NOTCH2: variants seen among roughly 807,000 people sequenced by gnomAD.
The protein encoded by NOTCH2 is neurogenic locus notch homolog protein 2.
Under a neutral mutation model 235.8 loss-of-function variants are expected in NOTCH2, and 29 were observed. The observed-to-expected ratio is 0.12, with a 90% CI of 0.09 to 0.17. The LOEUF (loss-of-function observed/expected upper bound fraction) is 0.17. Among genes scored for constraint, NOTCH2 ranks in the 10% least tolerant of loss-of-function variants. The probability of loss-of-function intolerance (pLI) is 1.00; values close to 1 mark genes in which losing one functional copy is unlikely to be tolerated. For synonymous variants in NOTCH2, 1,086 were observed against 1,141.5 expected, an observed-to-expected ratio of 0.95 and a Z score of 0.98; for missense variants, 2,285 against 3,150.2, an observed-to-expected ratio of 0.73 and a Z score of 6.57.
chr1:119,953,556 C>A lies in NOTCH2; in HGVS notation c.2352G>T (p.Lys784Asn), dbSNP rs782553837. ...NLVNGYRCTC[K>N]KGFKGYNCQV... ...TTTTGTTTTCACCTTTAAAGCCCTT[C>A]TTGCAAGTACACCTGTATCCATTCA... Residue 784 changes from lysine (K) to asparagine (N), a missense_variant, in exon 14 of 34, where the codon AAG (lysine) becomes AAT (asparagine). Transcript: ENST00000256646. 4 of 1,614,182 alleles carry A rather than the reference C, an allele frequency of 2.5e-6. No homozygotes were observed. Among genetic ancestry groups the A allele is most frequent in the Non-Finnish European group, 1.7e-6 (2 of 1,180,014 alleles).
At chr1:119,976,396 A>G (rs1651581657) in intron 5 of NOTCH2, 1 of 150,654 alleles carries the variant, frequency 6.6e-6, no homozygotes, top group East Asian at 1.9e-4. Context: ...TGGGTGAAAC[A>G]TTCTGTATAA....
Position 119,915,262 on chromosome 1 carries a change from A to G in NOTCH2, c.*44T>C. ...TGACCTTCATTTGTTCCTCAGCAGC[A>G]TTTACAAAAGTCAGTTATGTCTCTA... On this transcript the variant is annotated 3_prime_UTR_variant, in exon 34 of 34. Coordinates refer to ENST00000256646, the MANE Select transcript of NOTCH2 (RefSeq NM_024408.4). 6.3e-7 allele frequency: 1 copy of G among 1,594,972 alleles called. No homozygotes were observed. Among genetic ancestry groups the G allele is most frequent in the Non-Finnish European group, 8.6e-7 (1 of 1,165,948 alleles).
intron 17 of NOTCH2, among the ~76,000 whole-genome samples, chr1:119,944,295 G>C (rs778119482): frequency 1.5e-4 from 23 of 151,976 alleles, no homozygotes; most frequent in Non-Finnish European, 3.2e-4. Flanking sequence ...CAGCACTTTG[G>C]GAGGTCCAGG....
chr1:120,047,948 C>T (rs1772484), intron 1 of NOTCH2, among the ~76,000 whole-genome samples: 22 of 147,352 alleles, frequency 1.5e-4, no homozygotes, highest in African/African-American at 4.2e-4. Context: ...CATTTTTTTC[C>T]GTAGAGACGG....
rs1650748468 is a variant in NOTCH2, at chr1:119,957,457, C to G, written c.2026+1935G>C. 2.6e-5 allele frequency among the ~76,000 whole-genome samples: 4 copies of G among 152,160 alleles called. No homozygotes were observed. In the South Asian group the frequency reaches 8.3e-4, roughly 32 times the overall value. ...ACTTAGTATTAAAACAAAAAAATCC[C>G]CTTTAAAGCTGTCAAAGCTATTATT... On this transcript the variant is annotated intron_variant, in intron 12 of 33. Transcript: ENST00000256646.
intron 22 of NOTCH2, among the ~76,000 whole-genome samples, chr1:119,933,630 A>G (rs1320620411): frequency 6.6e-6 from 1 of 152,242 alleles, no homozygotes; most frequent in Non-Finnish European, 1.5e-5. Flanking sequence ...TGATATATTC[A>G]AAGTGCTGAA....
rs2101145395 is a variant in NOTCH2 at position 119,968,123 on chromosome 1, G to C, written c.1218C>G (p.Gly406=). 2.5e-6 allele frequency: 4 copies of C among 1,614,124 alleles called. No homozygotes were observed. The highest frequency in any genetic ancestry group is 2.5e-6 in the Non-Finnish European group (3 of 1,179,968). The change falls in exon 7 of 34, where the codon GGC becomes GGG. Residue 406 remains glycine, a synonymous_variant. Transcript: ENST00000256646. ...NGQYICTCPQ[G]YKGADCTEDV... ...CTTCTGTGCAGTCAGCCCCTTTGTAGCCTTGTGGGCAGGTGCAAATATATT... is the reference window on the plus strand; with the variant it reads ...CTTCTGTGCAGTCAGCCCCTTTGTACCCTTGTGGGCAGGTGCAAATATATT...
intron 2 of NOTCH2, among the ~76,000 whole-genome samples, chr1:120,029,661 A>G (rs1468436819): frequency 2.0e-5 from 3 of 151,378 alleles, no homozygotes; most frequent in Admixed American, 1.3e-4. Flanking sequence ...CCCCATATAC[A>G]TTAACTAGCC....
At chr1:119,953,843 T>C (rs1373250133) in intron 13 of NOTCH2, among the ~76,000 whole-genome samples, 155 bp from the exon 14 acceptor site, 1 of 152,210 alleles carries the variant, frequency 6.6e-6, no homozygotes, top group African/African-American at 2.4e-5. Flanking sequence ...GTGTGTACCA[T>C]GTGGCCCTAT....
intron 10 of NOTCH2, 112 bp downstream of exon 10, chr1:119,965,341 G>A: frequency 1.1e-6 from 1 of 875,508 alleles, no homozygotes; most frequent in Non-Finnish European, 2.0e-6. Flanking sequence ...AAACACAGAG[G>A]AGCCTCTGGG....
At chr1:120,064,575 C>T (rs2101435746) in intron 1 of NOTCH2, among the ~76,000 whole-genome samples, 1 of 152,188 alleles carries the variant, frequency 6.6e-6, no homozygotes, top group Admixed American at 6.5e-5. Context: ...ATTTGGGGCA[C>T]ATGCCAGACA....
intron 23 of NOTCH2, 109 bp from the exon 24 acceptor site, chr1:119,926,720 G>C: frequency 1.2e-6 from 1 of 835,828 alleles, no homozygotes; most frequent in East Asian, 2.7e-5. Flanking sequence ...GCAAGTGTGA[G>C]AGAGTTCAGT....
In NOTCH2 at chr1:119,914,320, C is replaced by T. The variant is rs905277962; in HGVS notation, c.*986G>A. On this transcript the variant is annotated 3_prime_UTR_variant, in exon 34 of 34. Coordinates refer to ENST00000256646, the MANE Select transcript of NOTCH2 (RefSeq NM_024408.4). ...TGTGGGTGGGTAACTGGCTCTTGCA[C>T]GAGTTAACTTGTCTCTTGGTCATTC... 3.4e-5 allele frequency: 8 copies of T among 232,900 alleles called. No individual in the cohort carries two copies. The highest frequency in any genetic ancestry group is 5.6e-5 in the Admixed American group (1 of 17,762). The allele number at this position is 232,900 out of a possible 1,614,324, so 14.4% of individuals were successfully genotyped here.
intron 5 of NOTCH2, among the ~76,000 whole-genome samples, chr1:119,978,394 C>A (rs112357447): frequency 6.6e-6 from 1 of 152,130 alleles, no homozygotes; most frequent in African/African-American, 2.4e-5. Context: ...AGAAATGACT[C>A]GATCCAATGC....
Position 119,915,632 on chromosome 1 carries a change from G to T in NOTCH2, c.7090C>A (p.Gln2364Lys). ...PTAMMPQQDG[Q>K]VAQTILPAYH... ...GCTGGGAGAATGGTCTGAGCTACCT[G>T]CCCGTCCTGCTGGGGCATCATGGCA... Residue 2364 changes from glutamine to lysine, a missense_variant, in exon 34 of 34, where the codon CAG becomes AAG. Gln to Lys is a moderately conservative substitution (Grantham distance 53). This residue lies in a region of NOTCH2 where 504 missense variants were observed against 538.0 expected (regional missense o/e 0.94). Transcript: ENST00000256646. 1 of 1,614,058 alleles carries T rather than the reference G, an allele frequency of 6.2e-7. No homozygotes were observed. Among genetic ancestry groups the T allele is most frequent in the Non-Finnish European group, 8.5e-7 (1 of 1,180,038 alleles).
chr1:119,955,944 C>A lies in NOTCH2; in HGVS notation c.2027-712G>T, dbSNP rs147101303. On this transcript the variant is annotated intron_variant, in intron 12 of 33. Coordinates refer to ENST00000256646, the MANE Select transcript of NOTCH2 (RefSeq NM_024408.4). Reference sequence around the variant, plus strand: ...AAGTGGAGATTCCTAGGCCCTATCACCATAGATTGTGATGAATAGAATCTA... The same window carrying A: ...AAGTGGAGATTCCTAGGCCCTATCAACATAGATTGTGATGAATAGAATCTA... Among the ~76,000 whole-genome samples the A allele has an allele frequency of 8.0e-3, 1,221 of 152,234 alleles. 17 individuals are homozygous for A. Among genetic ancestry groups the A allele is most frequent in the African/African-American group, 0.027 (1,104 of 41,520 alleles).
intron 22 of NOTCH2, chr1:119,935,156 G>A (rs782430685): frequency 1.1e-5 from 14 of 1,232,690 alleles, no homozygotes; most frequent in Non-Finnish European, 2.0e-6. Flanking sequence ...TTGCTTTTCT[G>A]TGAAGCAACA....
intron 3 of NOTCH2, among the ~76,000 whole-genome samples, chr1:120,001,012 C>T (rs1484666521): frequency 6.6e-6 from 1 of 151,984 alleles, no homozygotes; most frequent in African/African-American, 2.4e-5. Flanking sequence ...CTGTGCTATT[C>T]TCATGATAGT....
At position 120,036,926 on chromosome 1, in the gene NOTCH2, G is replaced by A. The variant is rs587743945; in HGVS notation, c.74-6939C>T. Among the ~76,000 whole-genome samples, 10 of 152,288 alleles carry A rather than the reference G, an allele frequency of 6.6e-5. No individual in the cohort carries two copies. In the East Asian group the frequency reaches 1.9e-3, roughly 29 times the overall value. ...ACTATCATACCAGCTACATATCACT[G>A]GCTTAAAAGCCTCCCTTTGTTTTAG... On this transcript the variant is annotated intron_variant, in intron 1 of 33. Transcript: ENST00000256646.
Sources: gnomAD v4.1 joint callset for allele counts (sites outside exome capture counted in the v4.1 genomes callset) on GRCh38, gnomAD v4.1.1 for gene constraint, gnomAD v4.1.1 regional missense constraint, MANE v1.5 for transcripts, NCBI Gene and HGNC (gene_info 2026-07-23, HGNC 2026-07-21) for gene names.